LAMA2: variants seen among roughly 807,000 people sequenced by gnomAD.
LAMA2 encodes laminin subunit alpha-2.
Under a neutral mutation model 364.8 loss-of-function variants are expected in LAMA2, and 269 were observed. The observed-to-expected ratio is 0.74, with a 90% CI of 0.67 to 0.82. LAMA2 has a LOEUF of 0.82. Among genes scored for constraint, LAMA2 ranks in the 40% least tolerant of loss-of-function variants. The probability of loss-of-function intolerance (pLI) is 0.00; values close to 1 mark genes in which losing one functional copy is unlikely to be tolerated. For synonymous variants in LAMA2, 1,379 were observed against 1,370.6 expected, an observed-to-expected ratio of 1.01 and a Z score of -0.14; for missense variants, 3,807 against 3,873.2, an observed-to-expected ratio of 0.98 and a Z score of 0.45.
intron 22 of LAMA2, among the ~76,000 whole-genome samples, chr6:129,308,453 T>C (rs978790825): frequency 1.3e-5 from 2 of 152,178 alleles, no homozygotes; most frequent in African/African-American, 4.8e-5. Context: ...AAGATATAAA[T>C]CAGGATAAAA....
chr6:129,453,532 ATT>A (rs921074906), intron 46 of LAMA2, among the ~76,000 whole-genome samples: 2 of 151,934 alleles, frequency 1.3e-5, no homozygotes, highest in Non-Finnish European at 2.9e-5. Flanking sequence ...AGTGTGTACT[ATT>A]TTTTTTACCA....
At chr6:128,920,424 G>A (rs567178186) in intron 1 of LAMA2, among the ~76,000 whole-genome samples, 2 of 152,012 alleles carry the variant, frequency 1.3e-5, no homozygotes, top group East Asian at 3.9e-4. Flanking sequence ...CCAAAGTGCT[G>A]GGATTACAGG....
chr6:129,224,658 C>G (rs1784122753), intron 12 of LAMA2, among the ~76,000 whole-genome samples: 2 of 152,176 alleles, frequency 1.3e-5, no homozygotes, highest in Admixed American at 6.5e-5. Flanking sequence ...GTATGTTGAA[C>G]CAGCCTTGCA....
intron 4 of LAMA2, among the ~76,000 whole-genome samples, chr6:129,125,179 G>T (rs1175370221): frequency 6.6e-6 from 1 of 152,312 alleles, no homozygotes; most frequent in South Asian, 2.1e-4. Flanking sequence ...GAAGGATTGA[G>T]TTGCTTTGAA....
intron 2 of LAMA2, among the ~76,000 whole-genome samples, chr6:129,050,742 G>C (rs772277286): frequency 3.9e-5 from 6 of 152,202 alleles, no homozygotes; most frequent in Non-Finnish European, 8.8e-5. Flanking sequence ...GACTAGAACT[G>C]AAAGTGCCAA....
intron 45 of LAMA2, among the ~76,000 whole-genome samples, chr6:129,448,074 A>C (rs562664129): frequency 1.5e-3 from 229 of 152,214 alleles, no homozygotes; most frequent in Admixed American, 3.7e-3. Context: ...GATTGCATGA[A>C]CTCAGGAGTT....
intron 1 of LAMA2, among the ~76,000 whole-genome samples, chr6:129,019,355 T>G (rs2114710765): frequency 6.6e-6 from 1 of 151,256 alleles, no homozygotes; most frequent in East Asian, 1.9e-4. Context: ...ATAAATTCCT[T>G]CTAATTTCTC....
rs900145350 is a variant in LAMA2 at position 129,512,353 on chromosome 6, C to T, written c.8858-10C>T. The stretch of plus-strand genomic sequence containing the variant: ...CTAATCCAAAATATTTTAAAATCTT[C>T]ATTTTACAGTTGGTGGATTCAAAGT... On this transcript the variant is annotated splice_polypyrimidine_tract_variant and intron_variant, in intron 62 of 64. Transcript: ENST00000421865. 1.3e-5 allele frequency: 21 copies of T among 1,612,538 alleles called. No individual in the cohort carries two copies. The highest frequency in any genetic ancestry group is 1.7e-5 in the Non-Finnish European group (20 of 1,178,862).
intron 62 of LAMA2, among the ~76,000 whole-genome samples, 153 bp from the exon 63 acceptor site, chr6:129,512,210 G>A (rs1366071962): frequency 6.6e-6 from 1 of 152,156 alleles, no homozygotes; most frequent in Non-Finnish European, 1.5e-5. Flanking sequence ...TGCAGTGGTG[G>A]AAGATAGGCC....
chr6:129,048,953 C>G (rs1388718618), intron 1 of LAMA2, among the ~76,000 whole-genome samples: 1 of 151,942 alleles, frequency 6.6e-6, no homozygotes, highest in Non-Finnish European at 1.5e-5. Context: ...TGATATAGAC[C>G]TACTTGGCAC....
chr6:129,472,857 A>G (rs1419593690), intron 51 of LAMA2, among the ~76,000 whole-genome samples: 2 of 151,980 alleles, frequency 1.3e-5, no homozygotes, highest in African/African-American at 4.8e-5. Flanking sequence ...TCCTAATTAG[A>G]TATCTTTGTT....
At chr6:129,233,045 C>T (rs1349258899) in intron 12 of LAMA2, among the ~76,000 whole-genome samples, 7 of 152,034 alleles carry the variant, frequency 4.6e-5, no homozygotes, top group African/African-American at 9.7e-5. Flanking sequence ...CTGCCAACAA[C>T]CTGAATGAAC....
At chr6:129,288,110 AAGTAGCTGATGAG>A in intron 19 of LAMA2, 52 bp downstream of exon 19, 3 of 1,480,442 alleles carry the variant, frequency 2.0e-6, no homozygotes, top group Non-Finnish European at 2.8e-6. Context: ...TTGTACCTCA[AAGTAGCTGATGAG>A]TTCTTGAGTG....
chr6:129,358,121 ATCT>A (rs1777256946), intron 32 of LAMA2, among the ~76,000 whole-genome samples: 1 of 152,042 alleles, frequency 6.6e-6, no homozygotes, highest in African/African-American at 2.4e-5. Context: ...TCTATAAAAC[ATCT>A]TCTGTTCACC....
chr6:129,365,710 A>C (rs916259697), intron 32 of LAMA2, among the ~76,000 whole-genome samples: 3 of 151,832 alleles, frequency 2.0e-5, no homozygotes, highest in Non-Finnish European at 4.4e-5. Flanking sequence ...ATAGATACCA[A>C]GCTAAAAATT....
intron 10 of LAMA2, among the ~76,000 whole-genome samples, chr6:129,189,082 A>C (rs1157827127): frequency 6.6e-6 from 1 of 152,080 alleles, no homozygotes; most frequent in East Asian, 1.9e-4. Context: ...TTCTCAGACT[A>C]TAAAGTTAGT....
chr6:129,438,987 T>TGTGTTACAGAAAGGAAGATATAGACA (rs1781970147), intron 42 of LAMA2, among the ~76,000 whole-genome samples: 1 of 151,946 alleles, frequency 6.6e-6, no homozygotes, highest in African/African-American at 2.4e-5. Context: ...TCCTTAGGAA[T>TGTGTTACAGAAAGGAAGATATAGACA]GTGTTACAGA....
chr6:129,423,544 A>G (rs76547280), intron 40 of LAMA2, among the ~76,000 whole-genome samples: 4,243 of 152,104 alleles, frequency 0.028, 107 homozygotes, highest in Non-Finnish European at 0.041. Context: ...AAAAAGTTTA[A>G]AAAGCATAAA....
In LAMA2 at chr6:129,035,344, C is replaced by G. The variant is rs1253390021; in HGVS notation, c.113-14574C>G. On this transcript the variant is annotated intron_variant, in intron 1 of 64. Transcript: ENST00000421865. The stretch of plus-strand genomic sequence containing the variant: ...AGTGTCTGTTAATTTCCTTTGCCCA[C>G]TTTTAATGGAGCTATTTGTTTTTTT... 1.4e-5 allele frequency among the ~76,000 whole-genome samples: 2 copies of G among 146,736 alleles called. 1 individual carries two copies. Among genetic ancestry groups the G allele is most frequent in the Middle Eastern group, 6.5e-3 (2 of 310 alleles).
Sources: allele counts gnomAD v4.1 joint callset (sites outside exome capture counted in the v4.1 genomes callset), GRCh38; gene constraint gnomAD v4.1.1; transcripts MANE v1.5; gene names NCBI Gene and HGNC (gene_info 2026-07-23, HGNC 2026-07-21).